The following DACH1 variants were observed in gnomAD, a reference collection of about 807,000 sequenced individuals.
DACH1 encodes dachshund family transcription factor 1.
Under a neutral mutation model 54.2 loss-of-function variants are expected in DACH1, and 12 were observed. The ratio of observed to expected loss-of-function variants is 0.22; its 90% CI spans 0.14 to 0.36. The LOEUF (loss-of-function observed/expected upper bound fraction) is 0.36. Ranked by LOEUF, DACH1 falls within the 10% of genes least tolerant of loss-of-function variation. The probability of loss-of-function intolerance (pLI) is 1.00; values close to 1 mark genes in which losing one functional copy is unlikely to be tolerated. For missense variants in DACH1, 805 were observed against 929.8 expected, an observed-to-expected ratio of 0.87 and a Z score of 1.75; for synonymous variants, 386 against 366.2, an observed-to-expected ratio of 1.05 and a Z score of -0.62.
intron 1 of DACH1, among the ~76,000 whole-genome samples, chr13:71,822,936 A>G (rs1888247000): frequency 6.6e-6 from 1 of 152,138 alleles, no homozygotes; most frequent in Admixed American, 6.5e-5. Flanking sequence ...AGAAAAATGT[A>G]TTTACATAGA....
chr13:71,707,133 A>G (rs900070064), intron 1 of DACH1, among the ~76,000 whole-genome samples: 12 of 152,198 alleles, frequency 7.9e-5, no homozygotes, highest in African/African-American at 2.9e-4. Flanking sequence ...CTGTCCCCTC[A>G]TGGAACTTGC....
Position 71,441,970 on chromosome 13 carries a change from G to A in DACH1, c.2084-1278C>T, listed in dbSNP as rs147491954. ...GGATACACTGCATATTTAGATACAG[G>A]CATGCATGCATAATAATCACATCTG... On this transcript the variant is annotated intron_variant, in intron 10 of 10. Coordinates refer to ENST00000613252, the MANE Select transcript of DACH1 (RefSeq NM_080759.6). Among the ~76,000 whole-genome samples the A allele has an allele frequency of 1.2e-4, 18 of 151,944 alleles. No individual in the cohort carries two copies. The East Asian group carries it at 3.3e-3, about 28-fold the overall frequency.
At chr13:71,535,671 T>C (rs1468225582) in intron 6 of DACH1, among the ~76,000 whole-genome samples, 2 of 152,054 alleles carry the variant, frequency 1.3e-5, no homozygotes, top group African/African-American at 2.4e-5. Flanking sequence ...TTGTATTACT[T>C]AGCTTGTTCG....
intron 3 of DACH1, among the ~76,000 whole-genome samples, chr13:71,629,700 G>T (rs1000812826): frequency 6.6e-6 from 1 of 152,030 alleles, no homozygotes; most frequent in East Asian, 1.9e-4. Flanking sequence ...AGTTATTAGG[G>T]TCTTCATAAA....
At chr13:71,792,318 AG>A (rs1357210436) in intron 1 of DACH1, among the ~76,000 whole-genome samples, 1 of 148,476 alleles carries the variant, frequency 6.7e-6, no homozygotes, top group Non-Finnish European at 1.5e-5. Context: ...AGGAAATGTG[AG>A]TTCTAAAATA....
intron 6 of DACH1, among the ~76,000 whole-genome samples, chr13:71,554,798 C>T (rs1045246974): frequency 1.3e-5 from 2 of 152,034 alleles, no homozygotes; most frequent in Non-Finnish European, 2.9e-5. Flanking sequence ...AGATCATCAA[C>T]CTAGTATATT....
At chr13:71,865,266 C>G (rs962003872) in intron 1 of DACH1, among the ~76,000 whole-genome samples, 2 of 152,176 alleles carry the variant, frequency 1.3e-5, no homozygotes, top group South Asian at 4.1e-4. Flanking sequence ...GAGCTCAAGT[C>G]CCCGGAGCCC....
At chr13:71,697,750 ATTCT>A (rs1881903053) in intron 1 of DACH1, among the ~76,000 whole-genome samples, 1 of 152,200 alleles carries the variant, frequency 6.6e-6, no homozygotes, top group South Asian at 2.1e-4. Flanking sequence ...GTACTCAGAG[ATTCT>A]TTCTTATATA....
At chr13:71,781,109 T>C (rs1886351339) in intron 1 of DACH1, among the ~76,000 whole-genome samples, 1 of 152,094 alleles carries the variant, frequency 6.6e-6, no homozygotes, top group Non-Finnish European at 1.5e-5. Context: ...CACTCCAGCC[T>C]GGGTGACAGA....
rs1877471276 is a variant in DACH1, at chr13:71,475,824, C to T, written c.1896G>A (p.Lys632=). 6.2e-7 allele frequency: 1 copy of T among 1,612,928 alleles called. No homozygotes were observed. Among genetic ancestry groups the T allele is most frequent in the African/African-American group, 1.3e-5 (1 of 74,836 alleles). ...NRAIVQKRLK[K]EKKAKRKLQE... is the part of the protein sequence containing the mutation. ...GCAATTTTCTCTTTGCCTTCTTCTC[C>T]TTCTTTAGCCTCTTTTGAACTATGG... The change falls in exon 9 of 11, where the codon AAG becomes AAA. Residue 632 remains lysine (K), a synonymous_variant. Coordinates refer to ENST00000613252, the MANE Select transcript of DACH1 (RefSeq NM_080759.6).
intron 3 of DACH1, among the ~76,000 whole-genome samples, chr13:71,610,155 G>C (rs1321022376): frequency 6.6e-6 from 1 of 151,682 alleles, no homozygotes; most frequent in African/African-American, 2.4e-5. Flanking sequence ...TTTCCAAGTG[G>C]GAAAGATGAT....
intron 6 of DACH1, among the ~76,000 whole-genome samples, chr13:71,545,137 C>G (rs1883376418): frequency 6.6e-6 from 1 of 152,022 alleles, no homozygotes; most frequent in African/African-American, 2.4e-5. Context: ...GTACTACAAA[C>G]TGAATTTTTA....
chr13:71,765,641 A>G (rs1260464205), intron 1 of DACH1, among the ~76,000 whole-genome samples: 1 of 152,214 alleles, frequency 6.6e-6, no homozygotes, highest in Non-Finnish European at 1.5e-5. Context: ...ATCTTTAAAC[A>G]GTAATAATGA....
intron 2 of DACH1, among the ~76,000 whole-genome samples, chr13:71,676,027 G>C (rs1024434927): frequency 6.6e-6 from 1 of 152,126 alleles, no homozygotes; most frequent in African/African-American, 2.4e-5. Flanking sequence ...AACATCAAGT[G>C]TTTAAATAGT....
intron 10 of DACH1, among the ~76,000 whole-genome samples, chr13:71,468,118 G>C (rs1876757833): frequency 6.6e-6 from 1 of 151,834 alleles, no homozygotes; most frequent in East Asian, 1.9e-4. Context: ...CTTTACTATG[G>C]GAATAATTCA....
At position 71,696,568 on chromosome 13, in the gene DACH1, A is replaced by G. The variant is rs1388482301; in HGVS notation, c.849-14658T>C. 3.5e-4 allele frequency among the ~76,000 whole-genome samples: 52 copies of G among 149,996 alleles called. 1 individual carries two copies. The highest frequency in any genetic ancestry group is 3.4e-3 in the Admixed American group (52 of 15,126). On this transcript the variant is annotated intron_variant, in intron 1 of 10. Coordinates refer to ENST00000613252, the MANE Select transcript of DACH1 (RefSeq NM_080759.6). ...AAATTCACTTTTTTTTTTTTTTGAGACAGAATTTCACTCTTGTTGCCTAGG... is the reference window on the plus strand; with the variant it reads ...AAATTCACTTTTTTTTTTTTTTGAGGCAGAATTTCACTCTTGTTGCCTAGG...
chr13:71,657,639 C>T (rs971191834), intron 2 of DACH1, among the ~76,000 whole-genome samples: 1 of 150,270 alleles, frequency 6.7e-6, no homozygotes, highest in Non-Finnish European at 1.5e-5. Flanking sequence ...GCTCATTTGA[C>T]TTTCTAGTGG....
chr13:71,717,573 ATTTG>A (rs1883035383), intron 1 of DACH1, among the ~76,000 whole-genome samples: 1 of 151,172 alleles, frequency 6.6e-6, no homozygotes, highest in African/African-American at 2.4e-5. Flanking sequence ...GCCCGCTTAG[ATTTG>A]TTTCTTATTT....
intron 1 of DACH1, among the ~76,000 whole-genome samples, chr13:71,741,769 T>C (rs932481623): frequency 5.9e-5 from 9 of 152,210 alleles, no homozygotes; most frequent in Non-Finnish European, 8.8e-5. Flanking sequence ...GATTTTTCTC[T>C]CATTTTTTAG....
Sources: allele counts gnomAD v4.1 joint callset (sites outside exome capture counted in the v4.1 genomes callset), GRCh38; gene constraint gnomAD v4.1.1; transcripts MANE v1.5; gene names NCBI Gene and HGNC (gene_info 2026-07-23, HGNC 2026-07-21).